Variants in CHRNA7 observed in about 807,000 individuals in gnomAD.
CHRNA7 encodes the protein cholinergic receptor nicotinic alpha 7 subunit.
CHRNA7 carries 17 observed loss-of-function variants against 48.0 expected under a neutral mutation model. The ratio of observed to expected loss-of-function variants is 0.35; its 90% CI spans 0.24 to 0.53. The LOEUF (loss-of-function observed/expected upper bound fraction) is 0.53, where lower values mean the gene tolerates loss of function less well. Among genes scored for constraint, CHRNA7 ranks in the 20% least tolerant of loss-of-function variants. CHRNA7 has a pLI of 0.92. For missense variants in CHRNA7, 155 were observed against 577.7 expected (o/e 0.27, Z 7.50); for synonymous variants, 75 against 242.3 (o/e 0.31, Z 6.41).
At chr15:32,121,300 C>T (rs1449124157) in intron 4 of CHRNA7, among the ~76,000 whole-genome samples, 1 of 152,248 alleles carries the variant, frequency 6.6e-6, no homozygotes, top group East Asian at 1.9e-4. Flanking sequence ...GGAAGACGCA[C>T]ATTCACTGCC....
At chr15:32,116,530 G>A (rs978340932) in intron 4 of CHRNA7, among the ~76,000 whole-genome samples, 7 of 152,158 alleles carry the variant, frequency 4.6e-5, no homozygotes, top group African/African-American at 1.7e-4. Context: ...TTAAGCCTGC[G>A]GCTCAAGGAG....
At chr15:32,106,531 AGCAGCTGGTTCCTCT>A (rs113118747) in intron 3 of CHRNA7, among the ~76,000 whole-genome samples, 7 of 152,310 alleles carry the variant, frequency 4.6e-5, no homozygotes, top group African/African-American at 1.4e-4. Flanking sequence ...CCGAGGAGGA[AGCAGCTGGTTCCTCT>A]GCAGCCGGTT....
chr15:32,031,753 T>A (rs1431900676), intron 2 of CHRNA7, among the ~76,000 whole-genome samples: 1 of 152,256 alleles, frequency 6.6e-6, no homozygotes, highest in Non-Finnish European at 1.5e-5. Context: ...TGCCTATTGT[T>A]CCTCTATGCT....
intron 2 of CHRNA7, among the ~76,000 whole-genome samples, chr15:32,052,429 G>A (rs1244400459): frequency 6.6e-6 from 1 of 152,098 alleles, no homozygotes; most frequent in Non-Finnish European, 1.5e-5. Context: ...TTGGTTAAAG[G>A]GAGTAAGTTA....
At chr15:32,056,232 TC>T (rs2049786178) in intron 2 of CHRNA7, among the ~76,000 whole-genome samples, 2 of 152,198 alleles carry the variant, frequency 1.3e-5, no homozygotes, top group South Asian at 4.1e-4. Context: ...GTCTTTCCCT[TC>T]CCCAAGTTCA....
chr15:32,066,482 A>G (rs892583711), intron 2 of CHRNA7, among the ~76,000 whole-genome samples: 1 of 152,142 alleles, frequency 6.6e-6, no homozygotes, highest in African/African-American at 2.4e-5. Flanking sequence ...GGGTTTCACC[A>G]TGTTGGCCAG....
At chr15:32,116,753 G>A (rs1029117664) in intron 4 of CHRNA7, among the ~76,000 whole-genome samples, 4 of 152,218 alleles carry the variant, frequency 2.6e-5, no homozygotes, top group Admixed American at 6.5e-5. Flanking sequence ...GAGTTGCTCG[G>A]TCAGAAAATT....
intron 4 of CHRNA7, among the ~76,000 whole-genome samples, chr15:32,117,445 G>A (rs752836168): frequency 6.6e-6 from 1 of 152,134 alleles, no homozygotes; most frequent in Non-Finnish European, 1.5e-5. Context: ...TTGTCGACAT[G>A]GTCTGCTACA....
At chr15:32,070,617 T>G (rs1431995086) in intron 2 of CHRNA7, among the ~76,000 whole-genome samples, 1 of 150,322 alleles carries the variant, frequency 6.7e-6, no homozygotes, top group African/African-American at 2.4e-5. Flanking sequence ...CATTTAAGTC[T>G]GCAATCTATT....
intron 2 of CHRNA7, among the ~76,000 whole-genome samples, chr15:32,089,765 G>A (rs759625212): frequency 2.0e-5 from 3 of 152,100 alleles, no homozygotes; most frequent in Admixed American, 6.6e-5. Context: ...TAATTTTTCT[G>A]TAATAAAGCA....
intron 4 of CHRNA7, among the ~76,000 whole-genome samples, chr15:32,139,628 T>A (rs2051340487): frequency 6.6e-6 from 1 of 152,128 alleles, no homozygotes; most frequent in East Asian, 1.9e-4. Flanking sequence ...TGGAACATAT[T>A]TCTATGTGCT....
intron 4 of CHRNA7, among the ~76,000 whole-genome samples, chr15:32,119,042 A>G (rs972458770): frequency 2.6e-5 from 4 of 151,784 alleles, no homozygotes; most frequent in African/African-American, 9.7e-5. Context: ...CTCGGTTCCT[A>G]CAGAATACTA....
chr15:32,051,035 G>C (rs2049663375), intron 2 of CHRNA7, among the ~76,000 whole-genome samples: 1 of 136,814 alleles, frequency 7.3e-6, no homozygotes, highest in Non-Finnish European at 1.5e-5. Context: ...ACCCGGCCGT[G>C]TGAGGTGTCA....
intron 2 of CHRNA7, among the ~76,000 whole-genome samples, chr15:32,042,138 AGTGT>A (rs1201858609): frequency 6.6e-6 from 1 of 152,128 alleles, no homozygotes; most frequent in Non-Finnish European, 1.5e-5. Flanking sequence ...TTACTAATGT[AGTGT>A]TAAGGTGTGG....
At position 32,101,346 on chromosome 15, in the gene CHRNA7, TG is replaced by T. The variant is rs749611980; in HGVS notation, c.240+1del. ...QVLTTNIWLQ[M>X]SWTDHYLQWN... is the part of the protein sequence containing the mutation. ...TTAACCACCAACATTTGGCTGCAAA[TG>T]GTAAGTTAAGAGAATGACAATCTCT... On this transcript the variant is annotated frameshift_variant and splice_region_variant, in exon 3 of 10. Transcript: ENST00000306901. LOFTEE classifies it high-confidence loss of function. The T allele has an allele frequency of 4.4e-6, 7 of 1,587,850 alleles. No homozygotes were observed. The highest frequency in any genetic ancestry group is 6.0e-6 in the Non-Finnish European group (7 of 1,171,820).
chr15:32,048,550 T>G (rs2049599990), intron 2 of CHRNA7, among the ~76,000 whole-genome samples: 1 of 152,172 alleles, frequency 6.6e-6, no homozygotes, highest in African/African-American at 2.4e-5. Flanking sequence ...TCTATTTGAT[T>G]CTTCTCTCTT....
chr15:32,115,699 G>A (rs2050858348), intron 4 of CHRNA7, among the ~76,000 whole-genome samples: 1 of 152,116 alleles, frequency 6.6e-6, no homozygotes, highest in African/African-American at 2.4e-5. Flanking sequence ...CGTAGAAAAG[G>A]ATTCCTGTCC....
At position 32,123,764 on chromosome 15, in the gene CHRNA7, C is replaced by T. The variant is rs1036807017; in HGVS notation, c.350+11865C>T. Among the ~76,000 whole-genome samples the T allele has an allele frequency of 7.2e-5, 11 of 152,186 alleles. 1 individual carries two copies. Among genetic ancestry groups the T allele is most frequent in the Middle Eastern group, 6.8e-3 (2 of 294 alleles). ...AAGCCCTTCCTCTCCCCTCTCTCTC[C>T]GCTGTGCAGTATATAATCTCACCTT... On this transcript the variant is annotated intron_variant, in intron 4 of 9. Transcript: ENST00000306901.
Position 32,114,043 on chromosome 15 carries a change from T to TATATATATATAC in CHRNA7, c.350+2144_350+2145insATATATATATAC, listed in dbSNP as rs58019100. 4.5e-3 allele frequency among the ~76,000 whole-genome samples: 350 copies of TATATATATATAC among 77,688 alleles called. 2 individuals carry two copies. Among genetic ancestry groups the TATATATATATAC allele is most frequent in the Middle Eastern group, 0.011 (2 of 176 alleles). The allele number at this position is 77,688 out of a possible 152,430, so 51.0% of individuals were successfully genotyped here. A position where few individuals can be genotyped will look rare whatever the true frequency, so the allele number is the denominator to read the frequency against. On this transcript the variant is annotated intron_variant, in intron 4 of 9. Coordinates refer to ENST00000306901, the MANE Select transcript of CHRNA7 (RefSeq NM_000746.6). ...AAATATATATATATATATATATATA[T>TATATATATATAC]GTATATATATATATATACATATATA...
Sources: gnomAD v4.1 joint callset for allele counts (sites outside exome capture counted in the v4.1 genomes callset) on GRCh38, gnomAD v4.1.1 for gene constraint, MANE v1.5 for transcripts, NCBI Gene and HGNC (gene_info 2026-07-23, HGNC 2026-07-21) for gene names.